The following FOXN3 variants were observed in gnomAD, a reference collection of about 807,000 sequenced individuals.
FOXN3 encodes the protein forkhead box protein N3.
FOXN3 carries 7 observed loss-of-function variants against 38.4 expected under a neutral mutation model. The ratio of observed to expected loss-of-function variants is 0.18; its 90% CI spans 0.10 to 0.34. The LOEUF (loss-of-function observed/expected upper bound fraction) is 0.34, where lower values mean the gene tolerates loss of function less well. FOXN3 is among the 10% of genes least tolerant of loss of function. FOXN3 has a pLI of 1.00. For missense variants in FOXN3, 456 were observed against 613.4 expected (o/e 0.74, Z 2.71); for synonymous variants, 230 against 242.2 (o/e 0.95, Z 0.47).
intron 1 of FOXN3, among the ~76,000 whole-genome samples, chr14:89,507,147 AG>A (rs1893959140): frequency 1.3e-5 from 2 of 151,874 alleles, no homozygotes; most frequent in African/African-American, 4.8e-5. Context: ...AAAAAAAAAA[AG>A]AAACACTGTC....
At chr14:89,409,432 A>G (rs1596257993) in intron 2 of FOXN3, 1 of 152,226 alleles carries the variant, frequency 6.6e-6, no homozygotes, top group East Asian at 1.9e-4. Context: ...GTCACTCCCA[A>G]GGCTGACTGA....
At position 89,615,730 on chromosome 14, in the gene FOXN3, C is replaced by T. The variant is rs1896482370; in HGVS notation, c.-15+3298G>A. Among the ~76,000 whole-genome samples, 4 of 152,318 alleles carry T rather than the reference C, an allele frequency of 2.6e-5. No individual in the cohort carries two copies. In the South Asian group the frequency reaches 8.3e-4, roughly 32 times the overall value. Reference sequence around the variant, plus strand: ...CAGTTGTCCCATTAAACTTAATCTTCTTTACCAAGTCCTAATCAGTTAAAT... The same window carrying T: ...CAGTTGTCCCATTAAACTTAATCTTTTTTACCAAGTCCTAATCAGTTAAAT... On this transcript the variant is annotated intron_variant, in intron 1 of 6. Coordinates refer to the FOXN3 transcript ENST00000345097.
intron 1 of FOXN3, among the ~76,000 whole-genome samples, chr14:89,436,431 A>C (rs773530833): frequency 6.6e-6 from 1 of 152,202 alleles, no homozygotes; most frequent in Non-Finnish European, 1.5e-5. Flanking sequence ...GTAGGGTCAC[A>C]TGTTAGGGTG....
chr14:89,259,698 G>A (rs990498561), intron 4 of FOXN3, among the ~76,000 whole-genome samples: 4 of 152,182 alleles, frequency 2.6e-5, no homozygotes, highest in African/African-American at 9.7e-5. Flanking sequence ...TCTCACAGCA[G>A]AGCAGCTCTA....
intron 4 of FOXN3, among the ~76,000 whole-genome samples, chr14:89,218,471 C>G (rs2139839664): frequency 6.6e-6 from 1 of 152,348 alleles, no homozygotes; most frequent in Middle Eastern, 3.4e-3. Flanking sequence ...AGATGAGCAT[C>G]TGTGTCTTTC....
rs188167737 is a variant in FOXN3, at chr14:89,223,926, T to G, written c.746-43120A>C. Among the ~76,000 whole-genome samples the G allele has an allele frequency of 1.7e-3, 258 of 152,388 alleles. 1 individual carries two copies. Among genetic ancestry groups the G allele is most frequent in the African/African-American group, 6.0e-3 (248 of 41,590 alleles). On this transcript the variant is annotated intron_variant, in intron 4 of 5. Transcript: ENST00000557258. ...TATCGATGCAGATCAATGTATCAAT[T>G]GTTCTAACTATTTGAAATACTCACT...
intron 5 of FOXN3, among the ~76,000 whole-genome samples, chr14:89,176,795 T>C (rs1023850900): frequency 1.2e-4 from 18 of 152,324 alleles, no homozygotes; most frequent in African/African-American, 3.8e-4. Flanking sequence ...TTTGTGTTCC[T>C]TCTTTCCAAA....
At chr14:89,608,637 C>T (rs1896327884) in intron 1 of FOXN3, among the ~76,000 whole-genome samples, 1 of 152,176 alleles carries the variant, frequency 6.6e-6, no homozygotes, top group East Asian at 1.9e-4. Flanking sequence ...TTGCCTCCAA[C>T]AGCAGAGGCC....
intron 1 of FOXN3, among the ~76,000 whole-genome samples, chr14:89,574,408 G>A (rs2139899392): frequency 6.6e-6 from 1 of 152,332 alleles, no homozygotes; most frequent in Non-Finnish European, 1.5e-5. Flanking sequence ...GCGAGGTGGT[G>A]ATAATGGCCT....
At chr14:89,202,689 T>C (rs1308370043) in intron 4 of FOXN3, among the ~76,000 whole-genome samples, 3 of 152,096 alleles carry the variant, frequency 2.0e-5, no homozygotes, top group East Asian at 1.9e-4. Context: ...AAAAAGAGCC[T>C]GGCACCTCCC....
intron 2 of FOXN3, among the ~76,000 whole-genome samples, chr14:89,394,522 A>G (rs552669739): frequency 4.6e-5 from 7 of 152,244 alleles, no homozygotes; most frequent in African/African-American, 1.7e-4. Context: ...TTTCTAATAC[A>G]TGAAGTTTGG....
At chr14:89,398,272 G>A (rs147068678) in intron 2 of FOXN3, among the ~76,000 whole-genome samples, 188 of 152,254 alleles carry the variant, frequency 1.2e-3, no homozygotes, top group African/African-American at 4.4e-3. Context: ...TGAAAATAAC[G>A]CAATGATGCG....
rs1042309228 is a variant in FOXN3, at chr14:89,264,667, C to A, written c.745+16283G>T. ...CAGGAACACCCTCAGGGTGGGCTCACAAGGAAAGGGCTCCCCATGAGTTTC... is the reference window on the plus strand; with the variant it reads ...CAGGAACACCCTCAGGGTGGGCTCAAAAGGAAAGGGCTCCCCATGAGTTTC... On this transcript the variant is annotated intron_variant, in intron 4 of 5. Coordinates refer to ENST00000557258, the MANE Select transcript of FOXN3 (RefSeq NM_005197.4). Among the ~76,000 whole-genome samples, 3 of 152,248 alleles carry A rather than the reference C, an allele frequency of 2.0e-5. No individual in the cohort carries two copies. In the South Asian group the frequency reaches 6.2e-4, roughly 32 times the overall value.
At chr14:89,595,468 T>C (rs1896039698) in intron 1 of FOXN3, among the ~76,000 whole-genome samples, 1 of 152,220 alleles carries the variant, frequency 6.6e-6, no homozygotes, top group Non-Finnish European at 1.5e-5. Context: ...TTTGATTATT[T>C]TTATTCTAAT....
At chr14:89,542,605 C>T (rs1161491739) in intron 1 of FOXN3, among the ~76,000 whole-genome samples, 1 of 152,218 alleles carries the variant, frequency 6.6e-6, no homozygotes, top group African/African-American at 2.4e-5. Context: ...ATCTTTTCTA[C>T]ATTTGTGCCT....
chr14:89,524,025 T>G (rs997963421), intron 1 of FOXN3, among the ~76,000 whole-genome samples: 4 of 148,864 alleles, frequency 2.7e-5, no homozygotes, highest in Non-Finnish European at 6.0e-5. Context: ...CCTCCCAAAG[T>G]GCTGAGATTA....
intron 2 of FOXN3, among the ~76,000 whole-genome samples, chr14:89,407,960 G>A (rs61984698): frequency 0.14 from 21,759 of 152,164 alleles, 1,642 homozygotes; most frequent in Non-Finnish European, 0.18. Flanking sequence ...GTCATTATAC[G>A]ATTCTAGTTC....
intron 4 of FOXN3, among the ~76,000 whole-genome samples, chr14:89,274,655 C>T (rs1396814126): frequency 2.0e-5 from 3 of 152,166 alleles, no homozygotes; most frequent in Non-Finnish European, 4.4e-5. Context: ...TGCTAAAGCC[C>T]GTGCTCCTTC....
chr14:89,401,564 C>G (rs141551654), intron 2 of FOXN3: 258 of 455,924 alleles, frequency 5.7e-4, no homozygotes, highest in African/African-American at 4.8e-3. Flanking sequence ...TGATGCTATG[C>G]CTTACCTCTG....
Sources: gnomAD v4.1 joint callset for allele counts (sites outside exome capture counted in the v4.1 genomes callset) on GRCh38, gnomAD v4.1.1 for gene constraint, MANE v1.5 for transcripts, NCBI Gene and HGNC (gene_info 2026-07-23, HGNC 2026-07-21) for gene names.